The following VWA5B1 variants were observed in gnomAD, a reference collection of about 807,000 sequenced individuals.
The protein encoded by VWA5B1 is von Willebrand factor A domain-containing protein 5B1.
In VWA5B1, 115 loss-of-function variants were observed where a neutral mutation model predicts 118.2. The ratio of observed to expected loss-of-function variants is 0.97; its 90% CI spans 0.84 to 1.14. The LOEUF (loss-of-function observed/expected upper bound fraction) is 1.14, where lower values mean the gene tolerates loss of function less well. Ranked by LOEUF, VWA5B1 falls within the 50% of genes most tolerant of loss-of-function variation. The pLI is 0.00. For missense variants in VWA5B1, 1,596 were observed against 1,603.8 expected (o/e 1.00, Z 0.08); for synonymous variants, 682 against 658.4 (o/e 1.04, Z -0.55).
At chr1:20,306,502 C>T (rs191554090) in intron 1 of VWA5B1, among the ~76,000 whole-genome samples, 208 of 152,280 alleles carry the variant, frequency 1.4e-3, no homozygotes, top group Middle Eastern at 6.8e-3. Flanking sequence ...AGATCATGAA[C>T]TTCTGTCTTT....
At chr1:20,329,365 C>T (rs1189126018) in intron 9 of VWA5B1, among the ~76,000 whole-genome samples, 1 of 121,034 alleles carries the variant, frequency 8.3e-6, no homozygotes, top group South Asian at 2.8e-4. Flanking sequence ...TGCAGTGGTG[C>T]GATCTTGATC....
intron 1 of VWA5B1, among the ~76,000 whole-genome samples, chr1:20,300,061 T>G (rs192591999): frequency 2.0e-5 from 3 of 151,950 alleles, no homozygotes; most frequent in African/African-American, 4.8e-5. Flanking sequence ...TGGGGCCAGA[T>G]GCTTGGATTC....
rs1410898603 is a variant in VWA5B1, at chr1:20,343,381, G to C, written c.2614G>C (p.Glu872Gln). The change falls in exon 16 of 22, where the codon GAG becomes CAG. Residue 872 changes from glutamate (E) to glutamine (Q), a missense_variant. Physicochemically the swap from Glu to Gln is conservative, Grantham distance 29. Coordinates refer to ENST00000289815, the MANE Select transcript of VWA5B1 (RefSeq NM_001039500.3). Reference protein sequence around the residue: ...DFEQLAEREGEIEQGSNRRYQ... With the variant: ...DFEQLAEREGQIEQGSNRRYQ... ...CGAGCAGCTGGCGGAGCGCGAGGGC[G>C]AGATCGAGCAGGGTGAGCGCCACGG... The C allele has an allele frequency of 1.3e-6, 2 of 1,530,730 alleles. No individual in the cohort carries two copies. The highest frequency in any genetic ancestry group is 1.2e-5 in the South Asian group (1 of 82,818). The allele number at this position is 1,530,730 out of a possible 1,614,324, so 94.8% of individuals were successfully genotyped here.
intron 15 of VWA5B1, 61 bp from the exon 16 acceptor site, chr1:20,343,018 C>T: frequency 1.4e-6 from 2 of 1,465,128 alleles, no homozygotes; most frequent in Non-Finnish European, 1.8e-6. Context: ...ATGATGTCCC[C>T]TGGGAGTTGG....
intron 1 of VWA5B1, among the ~76,000 whole-genome samples, chr1:20,292,806 C>T (rs559121296): frequency 1.7e-4 from 26 of 152,306 alleles, no homozygotes; most frequent in African/African-American, 5.8e-4. Context: ...TGTCTCCAAT[C>T]CAGCCCCATC....
chr1:20,351,389 C>T (rs1434771778), intron 20 of VWA5B1, among the ~76,000 whole-genome samples: 1 of 152,070 alleles, frequency 6.6e-6, no homozygotes, highest in Non-Finnish European at 1.5e-5. Flanking sequence ...CATGGTGGCT[C>T]ACCCCTGTAA....
chr1:20,310,229 C>G (rs1413192139), intron 1 of VWA5B1, among the ~76,000 whole-genome samples: 2 of 152,148 alleles, frequency 1.3e-5, no homozygotes, highest in Admixed American at 1.3e-4. Context: ...AGCCCCTCGA[C>G]TCCCCTCCCC....
chr1:20,330,034 G>A, intron 9 of VWA5B1, 146 bp from the exon 10 acceptor site: 1 of 900,178 alleles, frequency 1.1e-6, no homozygotes, highest in Non-Finnish European at 1.7e-6. Context: ...CATTCTTCCT[G>A]TGAGTGTGGG....
At chr1:20,347,372 C>T (rs1010909801) in intron 17 of VWA5B1, among the ~76,000 whole-genome samples, 2 of 152,148 alleles carry the variant, frequency 1.3e-5, no homozygotes, top group Non-Finnish European at 2.9e-5. Context: ...GAAAAACTTA[C>T]AGACTAGTGC....
Position 20,354,768 on chromosome 1 carries a change from G to A in VWA5B1, c.*505G>A, listed in dbSNP as rs562500125. 9 of 155,572 alleles carry A rather than the reference G, an allele frequency of 5.8e-5. No homozygotes were observed. The highest frequency in any genetic ancestry group is 4.4e-4 in the Admixed American group (7 of 15,830). 9.6% of individuals were successfully genotyped at this position (155,572 alleles called of 1,614,324 possible). A position where few individuals can be genotyped will look rare whatever the true frequency, so the allele number is the denominator to read the frequency against. On this transcript the variant is annotated 3_prime_UTR_variant, in exon 22 of 22. Coordinates refer to ENST00000289815, the MANE Select transcript of VWA5B1 (RefSeq NM_001039500.3). ...GCACATAGAGACTAGCAAGTCTGGT[G>A]CCTGTAGGACAGGCTCTTGTCTCCA...
At chr1:20,315,209 G>A (rs1438124581) in intron 4 of VWA5B1, among the ~76,000 whole-genome samples, 2 of 152,206 alleles carry the variant, frequency 1.3e-5, no homozygotes, top group Non-Finnish European at 2.9e-5. Context: ...TCTCGTGGGC[G>A]AAAGCAGCAG....
chr1:20,339,438 A>G (rs1448323672), intron 14 of VWA5B1, among the ~76,000 whole-genome samples: 3 of 152,252 alleles, frequency 2.0e-5, no homozygotes, highest in Middle Eastern at 3.4e-3. Context: ...GCTACTCGGG[A>G]GGCTGAGGCA....
chr1:20,337,776 G>A lies in VWA5B1; in HGVS notation c.2073G>A (p.Arg691=). Residue 691 remains arginine, a synonymous_variant, in exon 14 of 22, where the codon AGG becomes AGA. Coordinates refer to ENST00000289815, the MANE Select transcript of VWA5B1 (RefSeq NM_001039500.3). ...AGAGATACCCACTGCGGAAAGCCAGGCTGCAGGACCTCACCAACCAGACCA... is the reference window on the plus strand; with the variant it reads ...AGAGATACCCACTGCGGAAAGCCAGACTGCAGGACCTCACCAACCAGACCA... ...AAKRYPLRKA[R]LQDLTNQTSL... is the part of the protein sequence containing the mutation. The A allele has an allele frequency of 1.3e-6, 2 of 1,551,786 alleles. No homozygotes were observed. Among genetic ancestry groups the A allele is most frequent in the Non-Finnish European group, 1.7e-6 (2 of 1,147,010 alleles).
intron 1 of VWA5B1, 24 bp from the exon 2 acceptor site, chr1:20,310,552 T>C: frequency 2.0e-6 from 3 of 1,466,972 alleles, no homozygotes; most frequent in Non-Finnish European, 2.7e-6. Flanking sequence ...TCTTCCCACT[T>C]CCTGCCCTTC....
chr1:20,343,428 G>C (rs1037896342), intron 16 of VWA5B1, 35 bp downstream of exon 16: 1 of 1,475,994 alleles, frequency 6.8e-7, no homozygotes, highest in Non-Finnish European at 9.0e-7. Flanking sequence ...TCCCGCGGAC[G>C]GCCTCCGGAG....
At position 20,354,397 on chromosome 1, in the gene VWA5B1, A is replaced by T; in HGVS notation, c.*134A>T. The T allele has an allele frequency of 8.4e-7, 1 of 1,187,032 alleles. No individual in the cohort carries two copies. The highest frequency in any genetic ancestry group is 1.1e-6 in the Non-Finnish European group (1 of 872,862). 73.5% of individuals were successfully genotyped at this position (1,187,032 alleles called of 1,614,324 possible). Reference sequence around the variant, plus strand: ...TTACTAGAAAGAGCCCTGGACTGGCAGCCAGGAGGCCTGAGTTCAATCCCA... The same window carrying T: ...TTACTAGAAAGAGCCCTGGACTGGCTGCCAGGAGGCCTGAGTTCAATCCCA... On this transcript the variant is annotated 3_prime_UTR_variant, in exon 22 of 22. Transcript: ENST00000289815.
At chr1:20,344,197 C>T (rs1376236413) in intron 16 of VWA5B1, among the ~76,000 whole-genome samples, 2 of 151,600 alleles carry the variant, frequency 1.3e-5, no homozygotes, top group Non-Finnish European at 2.9e-5. Context: ...ATTCAGTGAC[C>T]CGTCCTCTTC....
At chr1:20,352,268 GAGA>G (rs1300337997) in intron 21 of VWA5B1, 96 bp downstream of exon 21, 1 of 945,690 alleles carries the variant, frequency 1.1e-6, no homozygotes, top group Non-Finnish European at 1.6e-6. Flanking sequence ...CTTCCTCAAA[GAGA>G]AGAAGGCTTT....
Position 20,354,576 on chromosome 1 carries a change from G to A in VWA5B1, c.*313G>A, listed in dbSNP as rs1242559827. On this transcript the variant is annotated 3_prime_UTR_variant, in exon 22 of 22. Coordinates refer to ENST00000289815, the MANE Select transcript of VWA5B1 (RefSeq NM_001039500.3). ...CCTTTCTGCCCATTCAGGCAGTCCC[G>A]GGCTGACTGCTGCTGGGGCTGGCGA... is the stretch of plus-strand genomic sequence containing the variant. 4 of 362,492 alleles carry A rather than the reference G, an allele frequency of 1.1e-5. No individual in the cohort carries two copies. The highest frequency in any genetic ancestry group is 3.2e-5 in the South Asian group (1 of 31,492). The allele number at this position is 362,492 out of a possible 1,614,324, so 22.5% of individuals were successfully genotyped here.
Sources: gnomAD v4.1 joint callset for allele counts (sites outside exome capture counted in the v4.1 genomes callset) on GRCh38, gnomAD v4.1.1 for gene constraint, MANE v1.5 for transcripts, NCBI Gene and HGNC (gene_info 2026-07-23, HGNC 2026-07-21) for gene names.